The following PIK3R6 variants were observed in gnomAD, a reference collection of about 807,000 sequenced individuals.
PIK3R6 encodes phosphoinositide-3-kinase regulatory subunit 6, also known as phosphoinositide 3-kinase regulatory subunit 6.
PIK3R6 carries 91 observed loss-of-function variants against 84.9 expected under a neutral mutation model. The observed-to-expected ratio is 1.07, with a 90% CI of 0.90 to 1.28. PIK3R6 has a LOEUF of 1.28. Ranked by LOEUF, PIK3R6 falls within the 50% of genes most tolerant of loss-of-function variation. PIK3R6 has a pLI of 0.00. For synonymous variants in PIK3R6, 416 were observed against 411.4 expected, an observed-to-expected ratio of 1.01 and a Z score of -0.13; for missense variants, 996 against 985.1, an observed-to-expected ratio of 1.01 and a Z score of -0.15.
Position 8,803,266 on chromosome 17 carries a change from T to G in PIK3R6, c.*7A>C. 1 of 1,612,088 alleles carries G rather than the reference T, an allele frequency of 6.2e-7. No homozygotes were observed. Among genetic ancestry groups the G allele is most frequent in the Non-Finnish European group, 8.5e-7 (1 of 1,179,752 alleles). On this transcript the variant is annotated 3_prime_UTR_variant, in exon 20 of 20. Transcript: ENST00000619866. The surrounding 1 kb of genome is among the most constrained non-coding windows in gnomAD (Gnocchi z 5.0). Reference sequence around the variant, plus strand: ...TCCTTCCTCCTGGGCCTGCTGTCCCTGCAGGCTCACTGGACAATACCAGAG... The same window carrying G: ...TCCTTCCTCCTGGGCCTGCTGTCCCGGCAGGCTCACTGGACAATACCAGAG...
rs941284136 is a variant in PIK3R6, at chr17:8,864,569, C to A, written c.-92+2960G>T. Among the ~76,000 whole-genome samples the A allele has an allele frequency of 5.1e-5, 6 of 117,980 alleles. No homozygotes were observed. In the Admixed American group the frequency reaches 6.5e-4, roughly 13 times the overall value. The allele number at this position is 117,980 out of a possible 152,430, so 77.4% of individuals were successfully genotyped here. On this transcript the variant is annotated intron_variant, in intron 1 of 19. Coordinates refer to ENST00000619866, the MANE Select transcript of PIK3R6 (RefSeq NM_001010855.4). ...TTTTTTTTTTTTTTAGACAGAGTCTCACTCTGTCGCCAGACTGGAGTGCAG... is the reference window on the plus strand; with the variant it reads ...TTTTTTTTTTTTTTAGACAGAGTCTAACTCTGTCGCCAGACTGGAGTGCAG...
chr17:8,848,945 C>T (rs745329765), intron 2 of PIK3R6, among the ~76,000 whole-genome samples: 4 of 152,142 alleles, frequency 2.6e-5, no homozygotes, highest in Non-Finnish European at 5.9e-5. Flanking sequence ...GGAGATGGAT[C>T]TTTAGGGGAA....
At chr17:8,822,052 C>G in intron 16 of PIK3R6, 116 bp from the exon 17 acceptor site, 2 of 412,212 alleles carry the variant, frequency 4.9e-6, no homozygotes, top group South Asian at 3.1e-5. Flanking sequence ...CTGTGAGAGT[C>G]TTTTTTTTTT....
chr17:8,844,717 G>A lies in PIK3R6; in HGVS notation c.14-5020C>T, dbSNP rs2088776297. On this transcript the variant is annotated intron_variant, in intron 2 of 19. Coordinates refer to ENST00000619866, the MANE Select transcript of PIK3R6 (RefSeq NM_001010855.4). This position sits in a 1 kb window ranked among gnomAD's most constrained non-coding sequence, Gnocchi z 4.5. ...TGATGCTGAGGTTTGTAGTATGGATGATCACATCACCTAGGTACTATGAGT... is the reference window on the plus strand; with the variant it reads ...TGATGCTGAGGTTTGTAGTATGGATAATCACATCACCTAGGTACTATGAGT... Among the ~76,000 whole-genome samples the A allele has an allele frequency of 6.6e-6, 1 of 151,990 alleles. No homozygotes were observed. The highest frequency in any genetic ancestry group is 2.4e-5 in the African/African-American group (1 of 41,376).
intron 1 of PIK3R6, among the ~76,000 whole-genome samples, chr17:8,866,498 C>T (rs1241219519): frequency 6.6e-6 from 1 of 152,116 alleles, no homozygotes; most frequent in Non-Finnish European, 1.5e-5. Context: ...GCCGAGATCG[C>T]ACCACTACAC....
At chr17:8,863,235 T>C (rs1317582008) in intron 1 of PIK3R6, among the ~76,000 whole-genome samples, 3 of 152,156 alleles carry the variant, frequency 2.0e-5, no homozygotes, top group South Asian at 4.1e-4. Context: ...AATTTTATTG[T>C]CAATTGATAT....
rs533592389 is a variant in PIK3R6 at position 8,823,133 on chromosome 17, T to A, written c.1627-47A>T. The A allele has an allele frequency of 2.1e-6, 3 of 1,411,718 alleles. No homozygotes were observed. The African/African-American group carries it at 4.3e-5, about 20-fold the overall frequency. The allele number at this position is 1,411,718 out of a possible 1,614,324, so 87.4% of individuals were successfully genotyped here. ...GGCATTTCCTGGTGTGATTTCCAAA[T>A]CACTCTATCCCTGATTTCCAGGGAT... On this transcript the variant is annotated intron_variant, in intron 14 of 19. Coordinates refer to ENST00000619866, the MANE Select transcript of PIK3R6 (RefSeq NM_001010855.4).
In PIK3R6 at chr17:8,836,778, C is replaced by T. The variant is rs368868093; in HGVS notation, c.391+13G>A. 6.8e-5 allele frequency: 109 copies of T among 1,610,766 alleles called. No individual in the cohort carries two copies. The African/African-American group carries it at 1.4e-3, about 20-fold the overall frequency. ...GTGCAGCGTGGGAGACAAAGATGCCCAGTGACTCTTACCTGGGACAGCCAT... is the reference window on the plus strand; with the variant it reads ...GTGCAGCGTGGGAGACAAAGATGCCTAGTGACTCTTACCTGGGACAGCCAT... On this transcript the variant is annotated intron_variant, in intron 6 of 19. Transcript: ENST00000619866.
chr17:8,827,763 GGAGAGAGAGAGAGAGAGAGAGAGAGAGA>G (rs199969342), intron 12 of PIK3R6, among the ~76,000 whole-genome samples: 1 of 34,828 alleles, frequency 2.9e-5, no homozygotes, highest in African/African-American at 1.1e-4. Context: ...GAGAGAGAGA[GGAGAGAGAGAGAGAGAGAGAGAGAGAGA>G]GAGAGAGAGA....
chr17:8,828,987 T>C lies in PIK3R6; in HGVS notation c.893A>G (p.Lys298Arg), dbSNP rs1160639377. Residue 298 changes from lysine to arginine, a missense_variant, in exon 11 of 20, where the codon AAG becomes AGG. Physicochemically the swap from Lys to Arg is conservative, Grantham distance 26 (BLOSUM62 2). Transcript: ENST00000619866. The part of the protein sequence containing the change: ...HLWTGEEQLW[K>R]ELVLFLRPRS... Reference sequence around the variant, plus strand: ...TGGGCGGAGGAAGAGCACCAGTTCCTTCCCTGGGGTGGGGGAACAAGGGCG... The same window carrying C: ...TGGGCGGAGGAAGAGCACCAGTTCCCTCCCTGGGGTGGGGGAACAAGGGCG... 5 of 1,494,534 alleles carry C rather than the reference T, an allele frequency of 3.3e-6. No individual in the cohort carries two copies. In the African/African-American group the frequency reaches 5.7e-5, roughly 17 times the overall value. 92.6% of individuals were successfully genotyped at this position (1,494,534 alleles called of 1,614,324 possible). A position where few individuals can be genotyped will look rare whatever the true frequency, so the allele number is the denominator to read the frequency against.
intron 1 of PIK3R6, among the ~76,000 whole-genome samples, chr17:8,850,300 CAAA>C (rs753799544): frequency 1.6e-4 from 10 of 63,410 alleles, no homozygotes; most frequent in African/African-American, 1.1e-4. Context: ...GAGACTGGCT[CAAA>C]AAAAAAAAAA....
intron 2 of PIK3R6, among the ~76,000 whole-genome samples, chr17:8,848,046 C>A (rs1256038420): frequency 6.6e-6 from 1 of 152,146 alleles, no homozygotes; most frequent in Non-Finnish European, 1.5e-5. Context: ...AGGACTGATA[C>A]TCTCTGTCTC....
At chr17:8,865,285 C>G (rs183101407) in intron 1 of PIK3R6, among the ~76,000 whole-genome samples, 1 of 152,196 alleles carries the variant, frequency 6.6e-6, no homozygotes, top group Non-Finnish European at 1.5e-5. Flanking sequence ...GCTGGCTTCT[C>G]GGACAAGCTG....
intron 8 of PIK3R6, among the ~76,000 whole-genome samples, chr17:8,834,015 G>A (rs1384622135): frequency 6.6e-6 from 1 of 151,758 alleles, no homozygotes; most frequent in Non-Finnish European, 1.5e-5. Context: ...AATTAGCTGG[G>A]TGTGGTGGCC....
At chr17:8,804,959 A>T (rs1047560840) in intron 18 of PIK3R6, among the ~76,000 whole-genome samples, 1 of 152,220 alleles carries the variant, frequency 6.6e-6, no homozygotes, top group Admixed American at 6.5e-5. Context: ...GGCATTTTTT[A>T]AAAAGCTCCT....
chr17:8,865,677 A>G (rs1227640635), intron 1 of PIK3R6, among the ~76,000 whole-genome samples: 1 of 147,462 alleles, frequency 6.8e-6, no homozygotes, highest in African/African-American at 2.5e-5. Flanking sequence ...GAGTGAGAGG[A>G]CAGAGCTCTG....
chr17:8,815,920 G>A (rs8082342), intron 18 of PIK3R6, among the ~76,000 whole-genome samples: 6,236 of 152,256 alleles, frequency 0.041, 307 homozygotes, highest in African/African-American at 0.11. Context: ...CACTATCTTC[G>A]TGGTCTGGCA....
chr17:8,802,971 G>A lies in PIK3R6; in HGVS notation c.*302C>T. On this transcript the variant is annotated 3_prime_UTR_variant, in exon 20 of 20. Transcript: ENST00000619866. The stretch of plus-strand genomic sequence containing the variant: ...CTGGATGGGGAGCTTGGGTGGGAGA[G>A]GACAGTGGGAGAAGTGGGAATTGAA... 1 of 341,076 alleles carries A rather than the reference G, an allele frequency of 2.9e-6. No individual in the cohort carries two copies. Among genetic ancestry groups the A allele is most frequent in the Non-Finnish European group, 5.5e-6 (1 of 183,160 alleles). The allele number at this position is 341,076 out of a possible 1,614,324, so 21.1% of individuals were successfully genotyped here. A position where few individuals can be genotyped will look rare whatever the true frequency, so the allele number is the denominator to read the frequency against.
chr17:8,835,428 C>G lies in PIK3R6; in HGVS notation c.490G>C (p.Val164Leu). ...AGAGCACTGCACACAGACGCAGACA[C>G]CAGCTCAGGATCCACGAAGAGGAAC... The part of the protein sequence containing the change: ...RVFLFVDPEL[V>L]SASVCSALLL... Residue 164 changes from valine to leucine, a missense_variant, in exon 8 of 20, where the codon GTG becomes CTG. Val to Leu is a conservative substitution (Grantham distance 32, BLOSUM62 1). Coordinates refer to ENST00000619866, the MANE Select transcript of PIK3R6 (RefSeq NM_001010855.4). 1.3e-6 allele frequency: 2 copies of G among 1,586,850 alleles called. No individual in the cohort carries two copies. The highest frequency in any genetic ancestry group is 1.7e-6 in the Non-Finnish European group (2 of 1,160,018).
Sources: gnomAD v4.1 joint callset for allele counts (sites outside exome capture counted in the v4.1 genomes callset) on GRCh38, gnomAD v4.1.1 for gene constraint, Gnocchi (gnomAD v3.1) non-coding constraint, MANE v1.5 for transcripts, NCBI Gene and HGNC (gene_info 2026-07-23, HGNC 2026-07-21) for gene names.